Variants in ERI3 observed in about 807,000 individuals in gnomAD.
ERI3 encodes the protein ERI1 exoribonuclease 3.
In ERI3, 18 loss-of-function variants were observed where a neutral mutation model predicts 44.4. The ratio of observed to expected loss-of-function variants is 0.41; its 90% CI spans 0.28 to 0.60. ERI3 has a LOEUF of 0.60. Among genes scored for constraint, ERI3 ranks in the 20% least tolerant of loss-of-function variants. The probability of loss-of-function intolerance (pLI) is 0.36; values close to 1 mark genes in which losing one functional copy is unlikely to be tolerated. For missense variants in ERI3, 294 were observed against 435.5 expected (o/e 0.68, Z 2.89); for synonymous variants, 183 against 164.8 (o/e 1.11, Z -0.84).
chr1:44,319,229 A>G (rs1277785384), intron 4 of ERI3, among the ~76,000 whole-genome samples: 2 of 152,284 alleles, frequency 1.3e-5, no homozygotes. Flanking sequence ...ACAGGAGGAC[A>G]GAGTAACAAT....
At chr1:44,248,441 G>A (rs1644600325) in intron 7 of ERI3, among the ~76,000 whole-genome samples, 2 of 152,112 alleles carry the variant, frequency 1.3e-5, no homozygotes, top group South Asian at 4.2e-4. Context: ...CAGTATTACT[G>A]TTCACAAAGA....
chr1:44,225,590 T>G (rs1644018667), intron 8 of ERI3, among the ~76,000 whole-genome samples: 1 of 152,158 alleles, frequency 6.6e-6, no homozygotes, highest in Admixed American at 6.5e-5. Context: ...GAGAGAAGAT[T>G]AGTGGGGCTA....
At chr1:44,323,529 GAC>G (rs1460775285) in intron 3 of ERI3, among the ~76,000 whole-genome samples, 2 of 152,206 alleles carry the variant, frequency 1.3e-5, no homozygotes, top group Non-Finnish European at 2.9e-5. Context: ...GCTGGCTGTA[GAC>G]ACAGAGATGA....
At chr1:44,230,371 C>T (rs1413823741) in intron 8 of ERI3, 1 of 152,186 alleles carries the variant, frequency 6.6e-6, no homozygotes, top group African/African-American at 2.4e-5. Context: ...AGCCAGATCA[C>T]CTACAGCCAA....
chr1:44,272,776 G>T (rs1572162350), intron 7 of ERI3, among the ~76,000 whole-genome samples: 1 of 151,950 alleles, frequency 6.6e-6, no homozygotes, highest in African/African-American at 2.4e-5. Context: ...GGAGGCAGAG[G>T]TTGTAGTAAG....
intron 3 of ERI3, among the ~76,000 whole-genome samples, chr1:44,326,393 A>G (rs1043150961): frequency 2.6e-4 from 39 of 152,314 alleles, no homozygotes; most frequent in Middle Eastern, 3.4e-3. Flanking sequence ...TATGGTTTGC[A>G]ATAACAGTTT....
intron 7 of ERI3, among the ~76,000 whole-genome samples, chr1:44,281,875 CATATGTGT>C (rs1645295005): frequency 1.2e-5 from 1 of 81,888 alleles, no homozygotes; most frequent in African/African-American, 4.1e-5. Flanking sequence ...TATACATGTG[CATATGTGT>C]GTGTGTGTGT....
At chr1:44,278,854 C>T (rs185990901) in intron 7 of ERI3, among the ~76,000 whole-genome samples, 1 of 152,300 alleles carries the variant, frequency 6.6e-6, no homozygotes, top group Admixed American at 6.5e-5. Flanking sequence ...CTGCCCACCT[C>T]GGCCTCCCAA....
chr1:44,270,331 C>T (rs927205539), intron 7 of ERI3, among the ~76,000 whole-genome samples: 1 of 152,174 alleles, frequency 6.6e-6, no homozygotes, highest in Non-Finnish European at 1.5e-5. Flanking sequence ...CCTCTATTTG[C>T]CTAGCTCTGT....
chr1:44,304,376 A>C (rs1016768660), intron 6 of ERI3, among the ~76,000 whole-genome samples: 2 of 152,224 alleles, frequency 1.3e-5, no homozygotes, highest in African/African-American at 2.4e-5. Context: ...AAACACCAAC[A>C]TGAAAACAAG....
chr1:44,317,363 G>A (rs559042115), intron 4 of ERI3, among the ~76,000 whole-genome samples: 1 of 152,330 alleles, frequency 6.6e-6, no homozygotes, highest in South Asian at 2.1e-4. Context: ...CCCCCATCCT[G>A]TGTCTATGCC....
chr1:44,316,342 T>C (rs1275243226), intron 4 of ERI3, among the ~76,000 whole-genome samples: 1 of 152,140 alleles, frequency 6.6e-6, no homozygotes, highest in African/African-American at 2.4e-5. Flanking sequence ...TGTGGCTCCT[T>C]TCAATGAGGG....
chr1:44,239,676 CT>C (rs938488620), intron 8 of ERI3, among the ~76,000 whole-genome samples: 2 of 152,232 alleles, frequency 1.3e-5, no homozygotes, highest in African/African-American at 4.8e-5. Flanking sequence ...GGGGTGCCCC[CT>C]GTGGGCAGGA....
At chr1:44,323,602 A>G (rs774183076) in intron 3 of ERI3, among the ~76,000 whole-genome samples, 13 of 152,212 alleles carry the variant, frequency 8.5e-5, no homozygotes, top group Non-Finnish European at 1.8e-4. Flanking sequence ...GGTGAAGAGG[A>G]GCTGGCCTCC....
At chr1:44,283,872 C>T (rs1323451794) in intron 7 of ERI3, 2 of 403,028 alleles carry the variant, frequency 5.0e-6, no homozygotes, top group East Asian at 1.5e-4. Context: ...TTCTCTCCTC[C>T]TCCTATCCAT....
Position 44,355,239 on chromosome 1 carries a change from G to C in ERI3, c.-213C>G, listed in dbSNP as rs572694429. ...TGAACAGCGGCAGCCAGCACCACGA[G>C]TCCACAACACACCGACTCACCTCCG... On this transcript the variant is annotated 5_prime_UTR_variant, in exon 1 of 9. Transcript: ENST00000372257. The C allele has an allele frequency of 9.3e-6, 11 of 1,179,282 alleles. No individual in the cohort carries two copies. In the East Asian group the frequency reaches 1.5e-4, roughly 16 times the overall value. 73.1% of individuals were successfully genotyped at this position (1,179,282 alleles called of 1,614,324 possible).
intron 3 of ERI3, among the ~76,000 whole-genome samples, chr1:44,321,303 G>GGGCT (rs1646197841): frequency 6.6e-6 from 1 of 152,148 alleles, no homozygotes; most frequent in African/African-American, 2.4e-5. Context: ...AGATGAGGAA[G>GGGCT]CTGACAGGAG....
At chr1:44,302,550 A>G (rs1319154682) in intron 6 of ERI3, among the ~76,000 whole-genome samples, 1 of 152,228 alleles carries the variant, frequency 6.6e-6, no homozygotes, top group African/African-American at 2.4e-5. Context: ...CTTAAAACAG[A>G]CCTGAAGATT....
intron 6 of ERI3, among the ~76,000 whole-genome samples, chr1:44,297,332 G>A (rs535218510): frequency 1.3e-5 from 2 of 152,082 alleles, no homozygotes; most frequent in African/African-American, 2.4e-5. Flanking sequence ...GGGCCACTAT[G>A]CCAGGTGAAG....
Sources: gnomAD v4.1 joint callset for allele counts (sites outside exome capture counted in the v4.1 genomes callset) on GRCh38, gnomAD v4.1.1 for gene constraint, MANE v1.5 for transcripts, NCBI Gene and HGNC (gene_info 2026-07-23, HGNC 2026-07-21) for gene names.